HS3ST4: variants seen among roughly 807,000 people sequenced by gnomAD.
HS3ST4 encodes heparan sulfate-glucosamine 3-sulfotransferase 4.
HS3ST4 carries 17 observed loss-of-function variants against 29.2 expected under a neutral mutation model. The ratio of observed to expected loss-of-function variants is 0.58; its 90% CI spans 0.40 to 0.87. HS3ST4 has a LOEUF of 0.87. Among genes scored for constraint, HS3ST4 ranks in the 40% least tolerant of loss-of-function variants. HS3ST4 has a pLI of 0.00. For synonymous variants in HS3ST4, 314 were observed against 285.7 expected (o/e 1.10, Z -1.00); for missense variants, 627 against 634.5 (o/e 0.99, Z 0.13).
At chr16:26,001,305 A>G (rs761294274) in intron 1 of HS3ST4, among the ~76,000 whole-genome samples, 24 of 152,160 alleles carry the variant, frequency 1.6e-4, no homozygotes, top group Non-Finnish European at 2.4e-4. Flanking sequence ...GTACTCTACA[A>G]TGGCTCTGAA....
intron 1 of HS3ST4, among the ~76,000 whole-genome samples, chr16:26,007,548 G>T (rs1245244303): frequency 6.6e-6 from 1 of 152,152 alleles, no homozygotes; most frequent in Non-Finnish European, 1.5e-5. Flanking sequence ...CCGGAATTCA[G>T]TACTTATTGC....
chr16:25,909,446 G>C (rs1968214535), intron 1 of HS3ST4, among the ~76,000 whole-genome samples: 1 of 152,128 alleles, frequency 6.6e-6, no homozygotes, highest in African/African-American at 2.4e-5. Context: ...CAAAGTGTTA[G>C]GATGATAGGC....
At chr16:25,828,011 G>A (rs1430091639) in intron 1 of HS3ST4, among the ~76,000 whole-genome samples, 1 of 151,892 alleles carries the variant, frequency 6.6e-6, no homozygotes, top group Non-Finnish European at 1.5e-5. Context: ...TTAGGGTCAG[G>A]GGCACATGAG....
intron 1 of HS3ST4, among the ~76,000 whole-genome samples, chr16:25,762,430 C>G (rs779426089): frequency 8.5e-5 from 13 of 152,170 alleles, no homozygotes; most frequent in Non-Finnish European, 1.8e-4. Context: ...ACCAGAACAT[C>G]TTGTTGACTT....
At chr16:25,917,284 C>T (rs1366902447) in intron 1 of HS3ST4, among the ~76,000 whole-genome samples, 2 of 152,242 alleles carry the variant, frequency 1.3e-5, no homozygotes, top group African/African-American at 2.4e-5. Flanking sequence ...ATGATCTCAG[C>T]TCACTGCAAC....
chr16:26,071,823 C>T (rs949940701), intron 1 of HS3ST4, among the ~76,000 whole-genome samples: 5 of 152,100 alleles, frequency 3.3e-5, no homozygotes, highest in African/African-American at 1.2e-4. Flanking sequence ...CTTCACTTGC[C>T]TCACCCTAGG....
chr16:25,742,222 G>C (rs1425244190), intron 1 of HS3ST4, among the ~76,000 whole-genome samples: 1 of 152,108 alleles, frequency 6.6e-6, no homozygotes, highest in African/African-American at 2.4e-5. Context: ...TTGTCACATT[G>C]GTTTCATTTA....
At chr16:25,983,798 A>C (rs1319587215) in intron 1 of HS3ST4, among the ~76,000 whole-genome samples, 2 of 152,248 alleles carry the variant, frequency 1.3e-5, no homozygotes, top group Non-Finnish European at 2.9e-5. Flanking sequence ...ACCCAGAATC[A>C]TGGACTCACA....
intron 1 of HS3ST4, among the ~76,000 whole-genome samples, chr16:26,034,676 G>C (rs973953946): frequency 9.4e-5 from 14 of 149,468 alleles, no homozygotes; most frequent in African/African-American, 2.7e-4. Context: ...GGCGGGGGGG[G>C]GTCTCACCAG....
chr16:25,718,774 C>A (rs528795797), intron 1 of HS3ST4, among the ~76,000 whole-genome samples: 1 of 152,000 alleles, frequency 6.6e-6, no homozygotes, highest in South Asian at 2.1e-4. Context: ...GAAGAGAGGA[C>A]AGGGATAGGA....
At chr16:26,121,302 C>A (rs11640666) in intron 1 of HS3ST4, among the ~76,000 whole-genome samples, 21,389 of 151,990 alleles carry the variant, frequency 0.14, 1,949 homozygotes, top group African/African-American at 0.25. Context: ...TCTGGACATG[C>A]GACTAGTGGA....
intron 1 of HS3ST4, among the ~76,000 whole-genome samples, chr16:25,839,424 T>G (rs1012938942): frequency 3.9e-5 from 6 of 152,344 alleles, no homozygotes; most frequent in Non-Finnish European, 7.4e-5. Context: ...CATTTTTGTT[T>G]TAGAATATTC....
chr16:25,932,817 A>G (rs1436198099), intron 1 of HS3ST4, among the ~76,000 whole-genome samples: 1 of 152,216 alleles, frequency 6.6e-6, no homozygotes, highest in East Asian at 1.9e-4. Context: ...TAAGTGGCAG[A>G]CCTGGTCTTT....
intron 1 of HS3ST4, among the ~76,000 whole-genome samples, chr16:26,087,315 G>A (rs1425545886): frequency 6.6e-6 from 1 of 152,216 alleles, no homozygotes; most frequent in Non-Finnish European, 1.5e-5. Flanking sequence ...GTTAGAGCAA[G>A]CCCCAAGCTG....
At chr16:25,955,126 C>T (rs1322851463) in intron 1 of HS3ST4, among the ~76,000 whole-genome samples, 1 of 152,162 alleles carries the variant, frequency 6.6e-6, no homozygotes, top group Non-Finnish European at 1.5e-5. Context: ...AACTCTGCTA[C>T]ATCCCTCCCT....
At chr16:25,890,759 A>G (rs1482438409) in intron 1 of HS3ST4, among the ~76,000 whole-genome samples, 1 of 152,212 alleles carries the variant, frequency 6.6e-6, no homozygotes, top group East Asian at 1.9e-4. Flanking sequence ...AATAGGGTCA[A>G]TATTGTTAAA....
At chr16:25,730,896 G>C (rs1363857110) in intron 1 of HS3ST4, among the ~76,000 whole-genome samples, 1 of 152,054 alleles carries the variant, frequency 6.6e-6, no homozygotes, top group Non-Finnish European at 1.5e-5. Context: ...ACAGAACGCA[G>C]AAAAGTTGTC....
intron 1 of HS3ST4, among the ~76,000 whole-genome samples, chr16:26,094,952 A>AAC (rs1567311032): frequency 6.9e-6 from 1 of 144,012 alleles, no homozygotes; most frequent in African/African-American, 2.5e-5. Context: ...AAAAAAAAGC[A>AAC]GGGGTTGCAA....
At chr16:25,878,774 A>G (rs781561815) in intron 1 of HS3ST4, among the ~76,000 whole-genome samples, 4 of 152,206 alleles carry the variant, frequency 2.6e-5, no homozygotes, top group African/African-American at 4.8e-5. Flanking sequence ...TGCCTACAAG[A>G]TAAAGTCCCA....
Sources: gnomAD v4.1 joint callset for allele counts (sites outside exome capture counted in the v4.1 genomes callset) on GRCh38, gnomAD v4.1.1 for gene constraint, MANE v1.5 for transcripts, NCBI Gene and HGNC (gene_info 2026-07-23, HGNC 2026-07-21) for gene names.